Variants in HMCN1 observed in about 807,000 individuals in gnomAD.
The protein encoded by HMCN1 is hemicentin-1.
A neutral mutation model predicts 625.9 loss-of-function variants in HMCN1; 321 were observed. That is an observed-to-expected ratio of 0.51 (90% CI 0.47 to 0.56). The LOEUF is 0.56. Among genes scored for constraint, HMCN1 ranks in the 20% least tolerant of loss-of-function variants. The pLI, the probability that HMCN1 is intolerant of heterozygous loss-of-function variation, is 0.00. For synonymous variants in HMCN1, 2,425 were observed against 2,417.6 expected (o/e 1.00, Z -0.09); for missense variants, 6,588 against 6,887.3 (o/e 0.96, Z 1.54).
intron 93 of HMCN1, among the ~76,000 whole-genome samples, chr1:186,148,433 CAGA>C (rs1452197807): frequency 1.3e-5 from 2 of 152,262 alleles, no homozygotes; most frequent in African/African-American, 4.8e-5. Context: ...GAATTCTTCC[CAGA>C]AGGTTTTCAA....
Position 186,119,810 on chromosome 1 carries a change from C to T in HMCN1, c.12022C>T (p.Pro4008Ser), listed in dbSNP as rs573793408. ...HVILNNPILL[P>S]CEATGTPSPF... ...CATTCTGAACAATCCTATTTTATTA[C>T]CATGTGAAGCAACAGGGACACCCAG... The change falls in exon 79 of 107, where the codon CCA (proline) becomes TCA (serine). Residue 4008 changes from proline to serine, a missense_variant. Physicochemically the swap from Pro to Ser is moderately conservative, Grantham distance 74 (BLOSUM62 -1). Coordinates refer to ENST00000271588, the MANE Select transcript of HMCN1 (RefSeq NM_031935.3). 8.7e-6 allele frequency: 14 copies of T among 1,614,052 alleles called. No homozygotes were observed. The South Asian group carries it at 1.5e-4, about 18-fold the overall frequency.
intron 30 of HMCN1, among the ~76,000 whole-genome samples, chr1:186,013,765 C>T (rs1654150827): frequency 6.6e-6 from 1 of 152,086 alleles, no homozygotes; most frequent in African/African-American, 2.4e-5. Flanking sequence ...AATTGAAAGA[C>T]CTCCCAATAG....
intron 4 of HMCN1, among the ~76,000 whole-genome samples, chr1:185,869,479 C>T (rs1157288684): frequency 6.6e-6 from 1 of 151,924 alleles, no homozygotes; most frequent in African/African-American, 2.4e-5. Context: ...GAAAACTGTG[C>T]CATCATGTTT....
intron 4 of HMCN1, among the ~76,000 whole-genome samples, chr1:185,892,790 T>G (rs1170393443): frequency 1.3e-5 from 2 of 152,100 alleles, no homozygotes; most frequent in African/African-American, 4.8e-5. Flanking sequence ...CCCCCAGAGG[T>G]GGAGCCTACA....
At position 186,063,096 on chromosome 1, in the gene HMCN1, A is replaced by ATATATG. The variant is rs1553285884; in HGVS notation, c.7513+501_7513+502insGTATAT. Among the ~76,000 whole-genome samples, 24 of 115,400 alleles carry ATATATG rather than the reference A, an allele frequency of 2.1e-4. 3 individuals are homozygous for ATATATG. The highest frequency in any genetic ancestry group is 6.9e-4 in the African/African-American group (18 of 26,220). 75.7% of individuals were successfully genotyped at this position (115,400 alleles called of 152,430 possible). A position where few individuals can be genotyped will look rare whatever the true frequency, so the allele number is the denominator to read the frequency against. On this transcript the variant is annotated intron_variant, in intron 48 of 106. Transcript: ENST00000271588. ...TATATATATATATATATATATATAT[A>ATATATG]TATATATCACATTTTCATTACCCAA...
At chr1:186,189,354 A>C (rs1433432013) in intron 106 of HMCN1, among the ~76,000 whole-genome samples, 158 bp from the exon 107 acceptor site, 1 of 152,116 alleles carries the variant, frequency 6.6e-6, no homozygotes, top group Non-Finnish European at 1.5e-5. Context: ...GTCTGGTTTG[A>C]GTTAGTGACA....
At chr1:185,906,951 AT>A (rs573094693) in intron 4 of HMCN1, among the ~76,000 whole-genome samples, 1,098 of 108,626 alleles carry the variant, frequency 0.01, 2 homozygotes, top group African/African-American at 0.015. Flanking sequence ...AATCCTTTCT[AT>A]TTTTTTTTTT....
intron 54 of HMCN1, 40 bp downstream of exon 54, chr1:186,076,662 G>A: frequency 6.3e-7 from 1 of 1,577,002 alleles, no homozygotes; most frequent in Non-Finnish European, 8.7e-7. Flanking sequence ...CTGACTCTCT[G>A]CCAAATGTGT....
chr1:185,792,740 G>C (rs1459536289), intron 1 of HMCN1, among the ~76,000 whole-genome samples: 1 of 152,088 alleles, frequency 6.6e-6, no homozygotes, highest in African/African-American at 2.4e-5. Context: ...GGTCCTCCTT[G>C]TGACTGTACC....
chr1:185,949,173 G>A (rs1388633482), intron 11 of HMCN1, among the ~76,000 whole-genome samples: 4 of 151,794 alleles, frequency 2.6e-5, no homozygotes, highest in Admixed American at 6.6e-5. Context: ...GATAGCACCA[G>A]GAGATATCAG....
At chr1:185,749,229 A>G (rs1046197709) in intron 1 of HMCN1, among the ~76,000 whole-genome samples, 1 of 152,238 alleles carries the variant, frequency 6.6e-6, no homozygotes, top group Admixed American at 6.5e-5. Flanking sequence ...GAAAGGACTT[A>G]GTATAATTGT....
At chr1:185,904,929 C>G (rs1306582048) in intron 4 of HMCN1, among the ~76,000 whole-genome samples, 1 of 151,790 alleles carries the variant, frequency 6.6e-6, no homozygotes, top group Non-Finnish European at 1.5e-5. Flanking sequence ...TGAAAAATCT[C>G]TATCCAGTGT....
chr1:185,751,331 T>A (rs1654802497), intron 1 of HMCN1, among the ~76,000 whole-genome samples: 1 of 152,170 alleles, frequency 6.6e-6, no homozygotes, highest in African/African-American at 2.4e-5. Flanking sequence ...AGATAGCATT[T>A]TATTGTTTTC....
At chr1:186,189,436 G>A (rs1213104035) in intron 106 of HMCN1, 76 bp from the exon 107 acceptor site, 30 of 1,552,638 alleles carry the variant, frequency 1.9e-5, no homozygotes, top group Non-Finnish European at 2.1e-5. Context: ...AAGTTGTCAT[G>A]GATCATGATC....
At chr1:186,116,085 T>A (rs1003436260) in intron 75 of HMCN1, among the ~76,000 whole-genome samples, 4 of 152,072 alleles carry the variant, frequency 2.6e-5, no homozygotes, top group African/African-American at 9.7e-5. Context: ...TTCCAATACA[T>A]CAGGAAATAT....
chr1:186,119,384 G>A, intron 78 of HMCN1, 86 bp downstream of exon 78: 1 of 976,218 alleles, frequency 1.0e-6, no homozygotes, highest in South Asian at 1.3e-5. Context: ...GGTAGGTACT[G>A]TCGAGAGCTA....
At chr1:186,129,226 G>GAGCATGC (rs1661799690) in intron 83 of HMCN1, among the ~76,000 whole-genome samples, 1 of 151,194 alleles carries the variant, frequency 6.6e-6, no homozygotes, top group Non-Finnish European at 1.5e-5. Flanking sequence ...TAAATGAGGA[G>GAGCATGC]AGCATGCAAG....
chr1:185,883,174 G>A (rs369856238), intron 4 of HMCN1, among the ~76,000 whole-genome samples: 3 of 152,032 alleles, frequency 2.0e-5, no homozygotes, highest in African/African-American at 7.2e-5. Flanking sequence ...CACAAAGAAA[G>A]CATGCTTATG....
At chr1:186,125,854 T>G (rs1247770040) in intron 82 of HMCN1, 60 bp downstream of exon 82, 1 of 1,244,994 alleles carries the variant, frequency 8.0e-7, no homozygotes, top group African/African-American at 1.5e-5. Flanking sequence ...CCATCATACT[T>G]TTAGTAATTT....
Sources: gnomAD v4.1 joint callset for allele counts (sites outside exome capture counted in the v4.1 genomes callset) on GRCh38, gnomAD v4.1.1 for gene constraint, MANE v1.5 for transcripts, NCBI Gene and HGNC (gene_info 2026-07-23, HGNC 2026-07-21) for gene names.